The following SWAP70 variants were observed in gnomAD, a reference collection of about 807,000 sequenced individuals.
The protein encoded by SWAP70 is switching B cell complex subunit SWAP70.
A neutral mutation model predicts 80.2 loss-of-function variants in SWAP70; 34 were observed. That is an observed-to-expected ratio of 0.42 (90% CI 0.32 to 0.56). SWAP70 has a LOEUF of 0.56. Among genes scored for constraint, SWAP70 ranks in the 20% least tolerant of loss-of-function variants. SWAP70 has a pLI of 0.09. For synonymous variants in SWAP70, 239 were observed against 238.5 expected (o/e 1.00, Z -0.02); for missense variants, 578 against 690.7 (o/e 0.84, Z 1.83).
At chr11:9,726,183 A>G (rs1224297346) in intron 4 of SWAP70, among the ~76,000 whole-genome samples, 2 of 152,160 alleles carry the variant, frequency 1.3e-5, no homozygotes, top group Admixed American at 6.5e-5. Context: ...AAAAAAAAAT[A>G]CCTTTATGTA....
intron 3 of SWAP70, among the ~76,000 whole-genome samples, chr11:9,716,284 A>C (rs376553): frequency 0.069 from 10,536 of 152,210 alleles, 570 homozygotes; most frequent in East Asian, 0.16. Context: ...TGAGGACTAA[A>C]ATACAGCGAG....
chr11:9,732,301 T>G (rs889055371), intron 6 of SWAP70, among the ~76,000 whole-genome samples: 2 of 152,104 alleles, frequency 1.3e-5, no homozygotes, highest in African/African-American at 4.8e-5. Flanking sequence ...TTTAAAGATG[T>G]GGAAACTGAT....
intron 7 of SWAP70, among the ~76,000 whole-genome samples, chr11:9,736,747 C>A (rs893730442): frequency 2.6e-5 from 4 of 152,144 alleles, no homozygotes; most frequent in Non-Finnish European, 5.9e-5. Context: ...TGTTAGAGTT[C>A]ACTAATTTTG....
intron 2 of SWAP70, among the ~76,000 whole-genome samples, chr11:9,708,234 G>T (rs1850948832): frequency 1.3e-5 from 2 of 152,170 alleles, no homozygotes; most frequent in African/African-American, 4.8e-5. Flanking sequence ...TTCCATAGCA[G>T]CTGCACCATT....
At chr11:9,723,336 A>C (rs435079) in intron 3 of SWAP70, among the ~76,000 whole-genome samples, 48,337 of 151,992 alleles carry the variant, frequency 0.32, 7,930 homozygotes, top group Non-Finnish European at 0.34. Context: ...CACACACTCA[A>C]AGCAAAACTT....
At chr11:9,738,432 T>A in intron 8 of SWAP70, 112 bp downstream of exon 8, 1 of 622,762 alleles carries the variant, frequency 1.6e-6, no homozygotes, top group Non-Finnish European at 2.6e-6. Context: ...GCTTTGCTAC[T>A]GACCTGGAAT....
In SWAP70 at chr11:9,729,431, A is replaced by G; in HGVS notation, c.878A>G (p.Lys293Arg). 1.2e-6 allele frequency: 2 copies of G among 1,610,148 alleles called. No homozygotes were observed. The highest frequency in any genetic ancestry group is 1.7e-6 in the Non-Finnish European group (2 of 1,176,854). Reference protein sequence around the residue: ...TFEISASDKKKKQEWIQAIHS... With the variant: ...TFEISASDKKRKQEWIQAIHS... The stretch of plus-strand genomic sequence containing the variant: ...GAAATCAGTGCTTCAGATAAGAAGA[A>G]GAAACAGGAGTGGATTCAAGGTAAG... The change falls in exon 6 of 12, where the codon AAG becomes AGG. Residue 293 changes from lysine to arginine, a missense_variant. Transcript: ENST00000318950.
chr11:9,686,633 G>A (rs926249626), intron 1 of SWAP70, among the ~76,000 whole-genome samples: 1 of 152,048 alleles, frequency 6.6e-6, no homozygotes, highest in African/African-American at 2.4e-5. Context: ...ACAGGTGAGA[G>A]CCACTGTGCC....
At chr11:9,704,196 G>T (rs1850870160) in intron 2 of SWAP70, among the ~76,000 whole-genome samples, 1 of 151,950 alleles carries the variant, frequency 6.6e-6, no homozygotes, top group South Asian at 2.1e-4. Flanking sequence ...TATAGAGAGA[G>T]ACCATATATA....
Position 9,729,771 on chromosome 11 carries a change from C to T in SWAP70, c.898+320C>T, listed in dbSNP as rs575059352. Among the ~76,000 whole-genome samples, 34 of 152,174 alleles carry T rather than the reference C, an allele frequency of 2.2e-4. 1 individual carries two copies. The highest frequency in any genetic ancestry group is 6.8e-3 in the Middle Eastern group (2 of 294). On this transcript the variant is annotated intron_variant, in intron 6 of 11. Coordinates refer to ENST00000318950, the MANE Select transcript of SWAP70 (RefSeq NM_015055.4). ...CCTCCCAAAGTGCTGGGATTACAGG[C>T]GTGAGCCACTACGCCTGGCCGAGAG...
chr11:9,664,224 C>T lies in SWAP70; in HGVS notation c.45C>T (p.Ala15=). The T allele has an allele frequency of 1.9e-6, 3 of 1,595,002 alleles. No individual in the cohort carries two copies. The highest frequency in any genetic ancestry group is 2.6e-6 in the Non-Finnish European group (3 of 1,171,450). ...AGCTGCTCAAAGCCATCTGGCACGCCTTCACCGCACTCGACCAGGACCACA... is the reference window on the plus strand; with the variant it reads ...AGCTGCTCAAAGCCATCTGGCACGCTTTCACCGCACTCGACCAGGACCACA... ...KEELLKAIWH[A]FTALDQDHSG... is the part of the protein sequence containing the mutation. The change falls in exon 1 of 12, where the codon GCC becomes GCT. Residue 15 remains alanine, a synonymous_variant. Transcript: ENST00000318950.
At position 9,729,381 on chromosome 11, in the gene SWAP70, C is replaced by T. The variant is rs765347306; in HGVS notation, c.828C>T (p.Leu276=). The change falls in exon 6 of 12, where the codon CTC becomes CTT. Residue 276 remains leucine (L), a synonymous_variant. Coordinates refer to ENST00000318950, the MANE Select transcript of SWAP70 (RefSeq NM_015055.4). ...AAGATGGAAAGAAATGCCTTTTTCTCGTAAAATGTTTTGATAAGACTTTTG... is the reference window on the plus strand; with the variant it reads ...AAGATGGAAAGAAATGCCTTTTTCTTGTAAAATGTTTTGATAAGACTTTTG... The part of the protein sequence containing the change: ...PDKDGKKCLF[L]VKCFDKTFEI... 1.3e-5 allele frequency: 21 copies of T among 1,613,568 alleles called. No individual in the cohort carries two copies. The East Asian group carries it at 2.2e-4, about 17-fold the overall frequency.
chr11:9,744,734 C>A (rs1183636734), intron 9 of SWAP70, among the ~76,000 whole-genome samples: 4 of 151,888 alleles, frequency 2.6e-5, no homozygotes, highest in Non-Finnish European at 5.9e-5. Context: ...ATGGTGAAAC[C>A]CTGTCTCTAC....
At chr11:9,664,796 T>C (rs1230588506) in intron 1 of SWAP70, among the ~76,000 whole-genome samples, 9 of 152,146 alleles carry the variant, frequency 5.9e-5, no homozygotes, top group Admixed American at 5.9e-4. Flanking sequence ...GACGCAGAAA[T>C]GCCCCGAAGC....
intron 2 of SWAP70, among the ~76,000 whole-genome samples, chr11:9,700,160 A>C (rs1352293355): frequency 6.6e-6 from 1 of 152,100 alleles, no homozygotes; most frequent in African/African-American, 2.4e-5. Context: ...CAAGTTTTTA[A>C]AGTTTTATAA....
intron 1 of SWAP70, among the ~76,000 whole-genome samples, chr11:9,683,127 C>T (rs990680532): frequency 5.9e-5 from 9 of 152,148 alleles, no homozygotes; most frequent in African/African-American, 1.2e-4. Context: ...GGGCTGGGTA[C>T]GCTGGCGCAT....
intron 3 of SWAP70, among the ~76,000 whole-genome samples, chr11:9,717,150 A>G (rs148513326): frequency 1.3e-5 from 2 of 152,320 alleles, no homozygotes; most frequent in Non-Finnish European, 2.9e-5. Context: ...TTAGTGCTTA[A>G]TAACAATGAT....
intron 2 of SWAP70, among the ~76,000 whole-genome samples, chr11:9,698,399 C>T (rs1590022888): frequency 6.6e-6 from 1 of 151,672 alleles, no homozygotes; most frequent in East Asian, 1.9e-4. Context: ...CTGTGCCTGA[C>T]CTGGGTTCTT....
intron 3 of SWAP70, among the ~76,000 whole-genome samples, chr11:9,722,278 T>C (rs1416992769): frequency 6.6e-6 from 1 of 152,184 alleles, no homozygotes; most frequent in Non-Finnish European, 1.5e-5. Context: ...TTAGTTGAGC[T>C]CTGAGGTACC....
Sources: gnomAD v4.1 joint callset for allele counts (sites outside exome capture counted in the v4.1 genomes callset) on GRCh38, gnomAD v4.1.1 for gene constraint, MANE v1.5 for transcripts, NCBI Gene and HGNC (gene_info 2026-07-23, HGNC 2026-07-21) for gene names.